Variants in CNBD1 observed in about 807,000 individuals in gnomAD.
CNBD1 encodes the protein cyclic nucleotide-binding domain-containing protein 1.
Under a neutral mutation model 54.4 loss-of-function variants are expected in CNBD1, and 71 were observed. That is an observed-to-expected ratio of 1.30 (90% confidence interval 1.08 to 1.59). CNBD1 has a LOEUF of 1.59. Ranked by LOEUF, CNBD1 falls within the 40% of genes most tolerant of loss-of-function variation. The pLI is 0.00. For missense variants in CNBD1, 659 were observed against 518.0 expected, an observed-to-expected ratio of 1.27 and a Z score of -2.64; for synonymous variants, 182 against 170.7, an observed-to-expected ratio of 1.07 and a Z score of -0.51.
intron 6 of CNBD1, among the ~76,000 whole-genome samples, chr8:87,271,336 T>G (rs1475204741): frequency 6.6e-6 from 1 of 151,888 alleles, no homozygotes; most frequent in Non-Finnish European, 1.5e-5. Flanking sequence ...TGTGCATCAT[T>G]ATGTTCTTTA....
intron 10 of CNBD1, among the ~76,000 whole-genome samples, chr8:87,370,219 T>A (rs1563573467): frequency 6.6e-6 from 1 of 151,988 alleles, no homozygotes. Flanking sequence ...GCAGCATGAT[T>A]TGTAGTCCTT....
At chr8:87,298,705 C>T (rs1007204146) in intron 8 of CNBD1, among the ~76,000 whole-genome samples, 4 of 151,650 alleles carry the variant, frequency 2.6e-5, no homozygotes, top group Admixed American at 6.6e-5. Context: ...AGGCTGGTCT[C>T]GAACTCCTGA....
chr8:87,029,681 C>T (rs1809738126), intron 4 of CNBD1, among the ~76,000 whole-genome samples: 1 of 151,930 alleles, frequency 6.6e-6, no homozygotes, highest in African/African-American at 2.4e-5. Context: ...GAAAGGGCCT[C>T]ACACTATTTT....
At chr8:86,951,581 CAAAAAAAAAAAAAAAAAAAAAAAA>C (rs71275901) in intron 4 of CNBD1, among the ~76,000 whole-genome samples, 4 of 37,360 alleles carry the variant, frequency 1.1e-4, no homozygotes, top group African/African-American at 2.0e-4. Flanking sequence ...CTCCGTCTCA[CAAAAAAAAAAAAAAAAAAAAAAAA>C]AAAAAAAAAA....
intron 4 of CNBD1, among the ~76,000 whole-genome samples, chr8:87,187,111 C>T (rs1489858088): frequency 1.4e-5 from 2 of 141,634 alleles, no homozygotes; most frequent in African/African-American, 4.9e-5. Context: ...CCTATATTGC[C>T]ATTTTAAAAA....
chr8:87,364,803 T>C (rs1810607954), intron 10 of CNBD1, among the ~76,000 whole-genome samples: 1 of 152,062 alleles, frequency 6.6e-6, no homozygotes, highest in South Asian at 2.1e-4. Context: ...CCATCCACAT[T>C]CCTGCAAAGG....
intron 4 of CNBD1, among the ~76,000 whole-genome samples, chr8:87,041,287 G>C (rs1416031432): frequency 6.6e-6 from 1 of 152,108 alleles, no homozygotes; most frequent in African/African-American, 2.4e-5. Context: ...CATTTGAAAA[G>C]ATAACTTATG....
intron 8 of CNBD1, among the ~76,000 whole-genome samples, chr8:87,350,854 A>C (rs1810275481): frequency 6.6e-6 from 1 of 152,158 alleles, no homozygotes; most frequent in Non-Finnish European, 1.5e-5. Context: ...GATAATTTAA[A>C]ATGTTATGTA....
intron 4 of CNBD1, among the ~76,000 whole-genome samples, chr8:87,110,729 GTTCCTTTTAGACTATCTTGT>G (rs1394629144): frequency 2.0e-5 from 3 of 152,224 alleles, no homozygotes; most frequent in Admixed American, 6.5e-5. Flanking sequence ...GGAGTATTCA[GTTCCTTTTAGACTATCTTGT>G]GATAGAAGGT....
intron 3 of CNBD1, among the ~76,000 whole-genome samples, chr8:86,916,021 T>G (rs1255210174): frequency 6.6e-6 from 1 of 152,160 alleles, no homozygotes; most frequent in Non-Finnish European, 1.5e-5. Flanking sequence ...TATGAGTATT[T>G]CCTTCCCTGT....
At chr8:87,384,162 G>C (rs1586068451), downstream of CNBD1, among the ~76,000 whole-genome samples, 2 of 151,950 alleles carry the variant, frequency 1.3e-5, no homozygotes, top group South Asian at 2.1e-4. Flanking sequence ...TTAATTATGT[G>C]TTATTTCCAT....
At position 87,163,585 on chromosome 8, in the gene CNBD1, C is replaced by T. The variant is rs1812901549; in HGVS notation, c.432-42408C>T. ...ATTTTTTTGTTGCTGTTGTAATTGACATTTTTTAAAATTTCTTTTTTTCAG... is the reference window on the plus strand; with the variant it reads ...ATTTTTTTGTTGCTGTTGTAATTGATATTTTTTAAAATTTCTTTTTTTCAG... On this transcript the variant is annotated intron_variant, in intron 4 of 10. Coordinates refer to ENST00000518476, the MANE Select transcript of CNBD1 (RefSeq NM_173538.3). This position sits in a 1 kb window ranked among gnomAD's most constrained non-coding sequence, Gnocchi z 4.5. Among the ~76,000 whole-genome samples the T allele has an allele frequency of 6.6e-6, 1 of 151,540 alleles. No homozygotes were observed. The highest frequency in any genetic ancestry group is 1.5e-5 in the Non-Finnish European group (1 of 67,826).
intron 4 of CNBD1, among the ~76,000 whole-genome samples, chr8:87,154,767 G>A (rs927261199): frequency 6.6e-6 from 1 of 152,164 alleles, no homozygotes; most frequent in Non-Finnish European, 1.5e-5. Flanking sequence ...GGTGGAGGAG[G>A]TCAGAGGATG....
At chr8:87,058,680 T>C (rs1810477480) in intron 4 of CNBD1, among the ~76,000 whole-genome samples, 1 of 152,146 alleles carries the variant, frequency 6.6e-6, no homozygotes, top group Admixed American at 6.6e-5. Flanking sequence ...TAACCATGGC[T>C]GGAGTGGCTG....
chr8:87,088,282 A>G (rs186739712), intron 4 of CNBD1, among the ~76,000 whole-genome samples: 5 of 152,338 alleles, frequency 3.3e-5, no homozygotes, highest in South Asian at 2.1e-4. Context: ...TTGTAACTCA[A>G]TTGGACCCTC....
At chr8:86,934,607 G>A (rs747167240) in intron 3 of CNBD1, among the ~76,000 whole-genome samples, 3 of 152,066 alleles carry the variant, frequency 2.0e-5, no homozygotes, top group Non-Finnish European at 4.4e-5. Flanking sequence ...TATAATATTT[G>A]CTGTATTTTG....
At chr8:87,315,873 A>G (rs1809374653) in intron 8 of CNBD1, among the ~76,000 whole-genome samples, 1 of 152,090 alleles carries the variant, frequency 6.6e-6, no homozygotes, top group Admixed American at 6.6e-5. Context: ...TCCAATCACA[A>G]AAAAGAATAA....
chr8:86,949,777 A>G (rs192170459), intron 4 of CNBD1, among the ~76,000 whole-genome samples: 90 of 151,634 alleles, frequency 5.9e-4, no homozygotes, highest in African/African-American at 2.1e-3. Flanking sequence ...GAAAGTGGAG[A>G]TCTTTGTCAT....
chr8:87,381,146 G>T (rs1423489590), intron 10 of CNBD1, among the ~76,000 whole-genome samples: 1 of 151,906 alleles, frequency 6.6e-6, no homozygotes, highest in Admixed American at 6.6e-5. Context: ...ACTGATAAAG[G>T]ATTAATCTCC....
Sources: gnomAD v4.1 joint callset for allele counts (sites outside exome capture counted in the v4.1 genomes callset) on GRCh38, gnomAD v4.1.1 for gene constraint, Gnocchi (gnomAD v3.1) non-coding constraint, MANE v1.5 for transcripts, NCBI Gene and HGNC (gene_info 2026-07-23, HGNC 2026-07-21) for gene names.